Variants in UNC13C observed in about 807,000 individuals in gnomAD.
UNC13C encodes the protein unc-13 homolog C.
A neutral mutation model predicts 245.4 loss-of-function variants in UNC13C; 174 were observed. The observed-to-expected ratio is 0.71, with a 90% CI of 0.63 to 0.80. The LOEUF is 0.80. Among genes scored for constraint, UNC13C ranks in the 30% least tolerant of loss-of-function variants. The pLI is 0.00. For synonymous variants in UNC13C, 992 were observed against 895.1 expected, an observed-to-expected ratio of 1.11 and a Z score of -1.93; for missense variants, 2,829 against 2,602.9, an observed-to-expected ratio of 1.09 and a Z score of -1.89.
intron 10 of UNC13C, among the ~76,000 whole-genome samples, chr15:54,268,628 A>G (rs1264051108): frequency 6.6e-6 from 1 of 152,042 alleles, no homozygotes; most frequent in Non-Finnish European, 1.5e-5. Flanking sequence ...TTGCTTTTCA[A>G]ATGTGTTAAA....
At chr15:54,001,408 T>C (rs148293088) in intron 1 of UNC13C, among the ~76,000 whole-genome samples, 4 of 152,304 alleles carry the variant, frequency 2.6e-5, no homozygotes, top group African/African-American at 9.6e-5. Flanking sequence ...TGTAACACTA[T>C]AGATTTTTAT....
chr15:54,628,843 ATTACTT>A (rs1901367346), downstream of UNC13C: 1 of 152,144 alleles, frequency 6.6e-6, no homozygotes, highest in South Asian at 2.1e-4. Flanking sequence ...GGGAGTGTAA[ATTACTT>A]CAATTATTGT....
At chr15:54,449,358 C>T (rs1052002106) in intron 19 of UNC13C, among the ~76,000 whole-genome samples, 2 of 152,170 alleles carry the variant, frequency 1.3e-5, no homozygotes, top group African/African-American at 2.4e-5. Flanking sequence ...CGGATAATAT[C>T]CTGCACAGTG....
intron 13 of UNC13C, among the ~76,000 whole-genome samples, chr15:54,315,786 C>A (rs2037993085): frequency 6.6e-6 from 1 of 151,796 alleles, no homozygotes; most frequent in South Asian, 2.1e-4. Context: ...GGCAGAAGAA[C>A]CATTCACGTA....
chr15:53,909,310 A>G, the UNC13C span, among the ~76,000 whole-genome samples: 1 of 146,556 alleles, frequency 6.8e-6, no homozygotes, highest in Non-Finnish European at 1.5e-5. Context: ...ATTTTATTCC[A>G]TATCAGCACA....
intron 2 of UNC13C, among the ~76,000 whole-genome samples, chr15:54,095,115 T>C (rs1453579983): frequency 6.6e-6 from 1 of 152,084 alleles, no homozygotes; most frequent in African/African-American, 2.4e-5. Flanking sequence ...GCATGCAGGC[T>C]CTCCCAACAT....
intron 8 of UNC13C, among the ~76,000 whole-genome samples, chr15:54,254,223 G>A (rs916998680): frequency 6.6e-6 from 1 of 152,106 alleles, no homozygotes; most frequent in Non-Finnish European, 1.5e-5. Flanking sequence ...TCAAATATTT[G>A]CATATATTGA....
intron 8 of UNC13C, among the ~76,000 whole-genome samples, chr15:54,251,113 T>C (rs1202975720): frequency 1.3e-5 from 2 of 152,166 alleles, no homozygotes; most frequent in Admixed American, 1.3e-4. Flanking sequence ...AGTGGGAATA[T>C]GTAAAATCAG....
the UNC13C span, among the ~76,000 whole-genome samples, chr15:53,851,893 C>G: frequency 6.6e-6 from 1 of 152,158 alleles, no homozygotes; most frequent in Non-Finnish European, 1.5e-5. Context: ...TACACCTTCC[C>G]CTGTACCTCA....
intron 6 of UNC13C, 177 bp from the exon 7 acceptor site, chr15:54,237,442 T>G (rs945311991): frequency 1.4e-6 from 1 of 699,828 alleles, no homozygotes; most frequent in African/African-American, 1.7e-5. Flanking sequence ...CGTTCCAGTT[T>G]TAATATTGTA....
intron 13 of UNC13C, among the ~76,000 whole-genome samples, chr15:54,309,407 C>T (rs566449764): frequency 4.0e-4 from 61 of 151,900 alleles, no homozygotes; most frequent in African/African-American, 1.4e-3. Flanking sequence ...GATATTAACG[C>T]TTTATTAAAT....
chr15:54,159,552 G>A (rs1431397002), intron 4 of UNC13C, among the ~76,000 whole-genome samples: 1 of 152,146 alleles, frequency 6.6e-6, no homozygotes, highest in African/African-American at 2.4e-5. Flanking sequence ...GGGACCACAG[G>A]AACTGCAAAG....
Position 54,324,499 on chromosome 15 carries a change from A to G in UNC13C, c.4425+2404A>G, listed in dbSNP as rs142132875. On this transcript the variant is annotated intron_variant, in intron 14 of 32. Transcript: ENST00000260323. ...GAAATATGTTCAAAAATAAAGTGAA[A>G]AGGACAGAACCCTTGGGTGTACAGA... is the stretch of plus-strand genomic sequence containing the variant. Among the ~76,000 whole-genome samples the G allele has an allele frequency of 1.0e-3, 155 of 152,178 alleles. 1 individual carries two copies. Among genetic ancestry groups the G allele is most frequent in the Admixed American group, 2.8e-3 (42 of 15,272 alleles).
At chr15:54,437,714 T>C (rs1890299091) in intron 19 of UNC13C, among the ~76,000 whole-genome samples, 1 of 151,924 alleles carries the variant, frequency 6.6e-6, no homozygotes. Flanking sequence ...GGAACAATAA[T>C]GATCACTCAA....
intron 18 of UNC13C, among the ~76,000 whole-genome samples, chr15:54,398,301 C>G (rs1048947335): frequency 6.6e-6 from 1 of 151,340 alleles, no homozygotes; most frequent in Non-Finnish European, 1.5e-5. Flanking sequence ...GGAACAATCT[C>G]CACATGGTCT....
chr15:54,204,306 G>GAAAAAAAAAAAA (rs71132787), intron 4 of UNC13C, among the ~76,000 whole-genome samples: 1 of 124,868 alleles, frequency 8.0e-6, no homozygotes, highest in Non-Finnish European at 1.6e-5. Context: ...ATTAAAAATT[G>GAAAAAAAAAAAA]AAAAAAAAAA....
Position 54,015,729 on chromosome 15 carries a change from A to T in UNC13C, c.2826A>T (p.Ser942=). ...GGTTAGAACCCTTAAATGAAACATCAGCTGAGATGGAAATAAGAGAAGATG... is the reference window on the plus strand; with the variant it reads ...GGTTAGAACCCTTAAATGAAACATCTGCTGAGATGGAAATAAGAGAAGATG... The part of the protein sequence containing the change: ...EEGLEPLNET[S]AEMEIREDEN... The change falls in exon 2 of 33, where the codon TCA becomes TCT. Residue 942 remains serine, a synonymous_variant. Transcript: ENST00000260323. The T allele has an allele frequency of 6.2e-7, 1 of 1,613,602 alleles. No individual in the cohort carries two copies.
intron 2 of UNC13C, among the ~76,000 whole-genome samples, chr15:54,096,295 C>T (rs957135927): frequency 9.3e-5 from 14 of 151,008 alleles, no homozygotes; most frequent in African/African-American, 3.4e-4. Context: ...AGGGATTCCA[C>T]GTTTCATCAC....
rs1897359088 is a variant in UNC13C at position 54,563,018 on chromosome 15, ATCTT to A, written c.5959-4780_5959-4777del. 2.0e-5 allele frequency among the ~76,000 whole-genome samples: 3 copies of A among 152,136 alleles called. No individual in the cohort carries two copies. The South Asian group carries it at 6.2e-4, about 31-fold the overall frequency. On this transcript the variant is annotated intron_variant, in intron 29 of 32. Coordinates refer to ENST00000260323, the MANE Select transcript of UNC13C (RefSeq NM_001080534.3). Reference sequence around the variant, plus strand: ...TCATGTTGAATTTGAAAGCAAATAAATCTTTATGACTTTTAAAAATTTTCTGTTG... The same window carrying A: ...TCATGTTGAATTTGAAAGCAAATAAATATGACTTTTAAAAATTTTCTGTTG...
Sources: gnomAD v4.1 joint callset for allele counts (sites outside exome capture counted in the v4.1 genomes callset) on GRCh38, gnomAD v4.1.1 for gene constraint, MANE v1.5 for transcripts, NCBI Gene and HGNC (gene_info 2026-07-23, HGNC 2026-07-21) for gene names.